UGDH: variants seen among roughly 807,000 people sequenced by gnomAD.
The protein encoded by UGDH is UDP-Glc dehydrogenase.
Under a neutral mutation model 50.6 loss-of-function variants are expected in UGDH, and 38 were observed. That is an observed-to-expected ratio of 0.75 (90% CI 0.58 to 0.98). The LOEUF is 0.98. Ranked by LOEUF, UGDH falls within the 50% of genes least tolerant of loss-of-function variation. UGDH has a pLI of 0.00. For missense variants in UGDH, 465 were observed against 606.2 expected (o/e 0.77, Z 2.45); for synonymous variants, 168 against 199.9 (o/e 0.84, Z 1.35).
chr4:39,510,961 A>C, intron 3 of UGDH, 100 bp from the exon 4 acceptor site: 1 of 1,123,142 alleles, frequency 8.9e-7, no homozygotes, highest in Non-Finnish European at 1.3e-6. Context: ...AACAATCATC[A>C]GTAGCCCTGA....
intron 2 of UGDH, among the ~76,000 whole-genome samples, chr4:39,518,065 G>T (rs900733065): frequency 9.2e-5 from 14 of 151,710 alleles, no homozygotes; most frequent in Admixed American, 3.3e-4. Context: ...AGTAGCTGGG[G>T]CTATAGGCAT....
intron 2 of UGDH, 40 bp downstream of exon 2, chr4:39,521,311 G>GA: frequency 4.5e-6 from 7 of 1,539,774 alleles, no homozygotes; most frequent in South Asian, 1.3e-5. Context: ...AAGACAGTAA[G>GA]AAAAAAGCAT....
In UGDH at chr4:39,508,497, G is replaced by C; in HGVS notation, c.906+69C>G. 3 of 1,473,328 alleles carry C rather than the reference G, an allele frequency of 2.0e-6. No individual in the cohort carries two copies. In the South Asian group the frequency reaches 3.5e-5, roughly 17 times the overall value. The allele number at this position is 1,473,328 out of a possible 1,614,324, so 91.3% of individuals were successfully genotyped here. A position where few individuals can be genotyped will look rare whatever the true frequency, so the allele number is the denominator to read the frequency against. On this transcript the variant is annotated intron_variant, in intron 7 of 11. Transcript: ENST00000316423. ...GATGCTCTTGCCTTGGCTTCCTAAAGTGCTGCGATTACAGGTGTGAACCAC... is the reference window on the plus strand; with the variant it reads ...GATGCTCTTGCCTTGGCTTCCTAAACTGCTGCGATTACAGGTGTGAACCAC...
chr4:39,505,065 C>G (rs147940973), intron 9 of UGDH, among the ~76,000 whole-genome samples, 172 bp downstream of exon 9: 20 of 152,280 alleles, frequency 1.3e-4, no homozygotes, highest in Non-Finnish European at 2.2e-4. Flanking sequence ...CAGCTGATCA[C>G]TTCAAATCAA....
intron 11 of UGDH, among the ~76,000 whole-genome samples, chr4:39,500,737 A>T (rs1274671762): frequency 6.7e-6 from 1 of 149,510 alleles, no homozygotes; most frequent in African/African-American, 2.5e-5. Flanking sequence ...GCTCACTGCA[A>T]CCTCCGTCTC....
chr4:39,518,707 G>A (rs1176886312), intron 2 of UGDH, among the ~76,000 whole-genome samples: 3 of 151,398 alleles, frequency 2.0e-5, no homozygotes, highest in Non-Finnish European at 4.4e-5. Context: ...CAATCCTCTC[G>A]CCCGGCCTCC....
chr4:39,521,667 T>C (rs1418405398), intron 1 of UGDH, 148 bp from the exon 2 acceptor site: 17 of 618,472 alleles, frequency 2.7e-5, no homozygotes, highest in Non-Finnish European at 3.4e-5. Flanking sequence ...ATTATGGAAA[T>C]AGTGATTTAA....
rs1441958356 is a variant in UGDH, at chr4:39,524,172, G to C, written c.-7-2653C>G. 2.6e-5 allele frequency among the ~76,000 whole-genome samples: 4 copies of C among 152,138 alleles called. No individual in the cohort carries two copies. The South Asian group carries it at 8.3e-4, about 31-fold the overall frequency. Reference sequence around the variant, plus strand: ...TTACCACTTAATCTCCTAGCCAAAAGGTTATTAGGGCAGCCTTTACTCTTA... The same window carrying C: ...TTACCACTTAATCTCCTAGCCAAAACGTTATTAGGGCAGCCTTTACTCTTA... On this transcript the variant is annotated intron_variant, in intron 1 of 11. Transcript: ENST00000316423.
intron 1 of UGDH, chr4:39,526,926 CAAAAT>C: frequency 9.9e-7 from 1 of 1,005,238 alleles, no homozygotes; most frequent in Non-Finnish European, 1.3e-6. Context: ...ACTCTGCGGC[CAAAAT>C]GAGGTCCCCA....
At position 39,521,446 on chromosome 4, in the gene UGDH, T is replaced by A; in HGVS notation, c.67A>T (p.Ile23Phe). 1 of 1,613,186 alleles carries A rather than the reference T, an allele frequency of 6.2e-7. No homozygotes were observed. The highest frequency in any genetic ancestry group is 8.5e-7 in the Non-Finnish European group (1 of 1,179,570). ...CTGATTTCAGGACACATATGAGCAA[T>A]GACACTACATGTGGGTCCTCCAACA... is the stretch of plus-strand genomic sequence containing the variant. ...GYVGGPTCSVIAHMCPEIRVT... is the reference protein window; with the variant it reads ...GYVGGPTCSVFAHMCPEIRVT... The change falls in exon 2 of 12, where the codon ATT (isoleucine) becomes TTT (phenylalanine). Residue 23 changes from isoleucine (I) to phenylalanine (F), a missense_variant. Physicochemically the swap from Ile to Phe is conservative, Grantham distance 21 (BLOSUM62 0). Coordinates refer to ENST00000316423, the MANE Select transcript of UGDH (RefSeq NM_003359.4).
intron 2 of UGDH, among the ~76,000 whole-genome samples, chr4:39,515,672 C>G (rs1746413847): frequency 6.6e-6 from 1 of 152,060 alleles, no homozygotes; most frequent in African/African-American, 2.4e-5. Context: ...TTGAAAAACT[C>G]CAAGGAACTG....
chr4:39,525,751 C>T (rs1337315290), intron 1 of UGDH, among the ~76,000 whole-genome samples: 4 of 152,052 alleles, frequency 2.6e-5, no homozygotes, highest in East Asian at 1.9e-4. Context: ...CCTCGTGATC[C>T]GCCCGTCTCG....
rs1745729814 is a variant in UGDH at position 39,500,015 on chromosome 4, G to C, written c.*128C>G. On this transcript the variant is annotated 3_prime_UTR_variant, in exon 12 of 12. Transcript: ENST00000316423. ...ACTGCACTCCAGCCTGGGCAACAGTGAGACTCTGTCTCAAAAAAAAAACAA... is the reference window on the plus strand; with the variant it reads ...ACTGCACTCCAGCCTGGGCAACAGTCAGACTCTGTCTCAAAAAAAAAACAA... 1 of 566,962 alleles carries C rather than the reference G, an allele frequency of 1.8e-6. No homozygotes were observed. Among genetic ancestry groups the C allele is most frequent in the Non-Finnish European group, 3.0e-6 (1 of 330,492 alleles). The allele number at this position is 566,962 out of a possible 1,614,324, so 35.1% of individuals were successfully genotyped here.
chr4:39,511,417 C>T (rs1746241048), intron 3 of UGDH, among the ~76,000 whole-genome samples: 1 of 151,984 alleles, frequency 6.6e-6, no homozygotes, highest in South Asian at 2.1e-4. Context: ...TGCGCCACCA[C>T]ACCCCACCAC....
Position 39,514,166 on chromosome 4 carries a change from C to G in UGDH, c.181G>C (p.Val61Leu). Residue 61 changes from valine to leucine, a missense_variant, in exon 3 of 12, where the codon GTA becomes CTA. Coordinates refer to ENST00000316423, the MANE Select transcript of UGDH (RefSeq NM_003359.4). ...PIYEPGLKEV[V>L]ESCRGKNLFF... The stretch of plus-strand genomic sequence containing the variant: ...AGATTTTTTCCTCGACAGGATTCTA[C>G]CACTTCTTTTAGTCCTGGCTAAAAA... The G allele has an allele frequency of 6.3e-7, 1 of 1,582,976 alleles. No individual in the cohort carries two copies. The highest frequency in any genetic ancestry group is 8.5e-7 in the Non-Finnish European group (1 of 1,172,974).
At chr4:39,510,979 C>T in intron 3 of UGDH, 118 bp from the exon 4 acceptor site, 2 of 888,048 alleles carry the variant, frequency 2.3e-6, no homozygotes, top group Non-Finnish European at 3.6e-6. Context: ...TGATTTAATC[C>T]TCTGTTAGTT....
At chr4:39,521,072 A>C (rs1387650732) in intron 2 of UGDH, among the ~76,000 whole-genome samples, 4 of 97,168 alleles carry the variant, frequency 4.1e-5, no homozygotes, top group Non-Finnish European at 7.2e-5. Flanking sequence ...TCCGTCTCAA[A>C]AAAAAAAAAA....
intron 6 of UGDH, among the ~76,000 whole-genome samples, chr4:39,509,532 GAAT>G (rs1746149872): frequency 6.6e-6 from 1 of 152,198 alleles, no homozygotes; most frequent in African/African-American, 2.4e-5. Context: ...ATGCAGTAAG[GAAT>G]AATATGGCTT....
chr4:39,515,626 G>A (rs1214097787), intron 2 of UGDH, among the ~76,000 whole-genome samples: 1 of 151,776 alleles, frequency 6.6e-6, no homozygotes, highest in Non-Finnish European at 1.5e-5. Flanking sequence ...TGTACCTTTA[G>A]ATCTAACTAC....
Sources: gnomAD v4.1 joint callset for allele counts (sites outside exome capture counted in the v4.1 genomes callset) on GRCh38, gnomAD v4.1.1 for gene constraint, MANE v1.5 for transcripts, NCBI Gene and HGNC (gene_info 2026-07-23, HGNC 2026-07-21) for gene names.